NAALADL2: variants seen among roughly 807,000 people sequenced by gnomAD.
The protein encoded by NAALADL2 is inactive N-acetylated-alpha-linked acidic dipeptidase-like protein 2.
Under a neutral mutation model 87.2 loss-of-function variants are expected in NAALADL2, and 76 were observed. The observed-to-expected ratio is 0.87, with a 90% CI of 0.72 to 1.05. NAALADL2 has a LOEUF of 1.05. NAALADL2 is among the 50% of genes least tolerant of loss of function. NAALADL2 has a pLI of 0.00. For synonymous variants in NAALADL2, 354 were observed against 331.0 expected, an observed-to-expected ratio of 1.07 and a Z score of -0.75; for missense variants, 1,089 against 945.8, an observed-to-expected ratio of 1.15 and a Z score of -1.99.
chr3:175,157,661 A>G (rs368017106), intron 2 of NAALADL2, among the ~76,000 whole-genome samples: 3 of 152,212 alleles, frequency 2.0e-5, no homozygotes, highest in East Asian at 3.9e-4. Flanking sequence ...CTATATAGCC[A>G]CAAAACCTAG....
intron 5 of NAALADL2, among the ~76,000 whole-genome samples, chr3:175,355,002 T>A (rs1365902108): frequency 6.8e-6 from 1 of 147,416 alleles, no homozygotes; most frequent in East Asian, 2.0e-4. Flanking sequence ...TTTATTTATA[T>A]ATATAATTGC....
intron 11 of NAALADL2, among the ~76,000 whole-genome samples, chr3:175,681,905 T>A (rs969199734): frequency 9.9e-5 from 15 of 152,178 alleles, no homozygotes; most frequent in African/African-American, 3.4e-4. Context: ...AGTATCAATT[T>A]CTACCTGTAA....
intron 2 of NAALADL2, among the ~76,000 whole-genome samples, chr3:174,648,855 AT>A (rs950954028): frequency 6.6e-6 from 1 of 152,128 alleles, no homozygotes; most frequent in African/African-American, 2.4e-5. Flanking sequence ...CATAACACAT[AT>A]GTGTCAATAT....
intron 1 of NAALADL2, among the ~76,000 whole-genome samples, chr3:174,490,100 T>C (rs1437132189): frequency 6.6e-6 from 1 of 152,046 alleles, no homozygotes; most frequent in Non-Finnish European, 1.5e-5. Context: ...GTCTTGTACA[T>C]GAACATTCAT....
intron 9 of NAALADL2, among the ~76,000 whole-genome samples, chr3:175,542,967 T>G (rs1411993557): frequency 6.6e-6 from 1 of 152,200 alleles, no homozygotes; most frequent in Non-Finnish European, 1.5e-5. Flanking sequence ...TTACTCTCAT[T>G]AGGATTCATT....
intron 5 of NAALADL2, among the ~76,000 whole-genome samples, chr3:175,442,142 A>G (rs1719883242): frequency 6.6e-6 from 1 of 151,846 alleles, no homozygotes; most frequent in Non-Finnish European, 1.5e-5. Flanking sequence ...ATGGGGTTTC[A>G]CCATGTTGGC....
intron 12 of NAALADL2, among the ~76,000 whole-genome samples, chr3:175,754,290 G>A (rs562669035): frequency 2.0e-5 from 3 of 152,252 alleles, no homozygotes; most frequent in South Asian, 2.1e-4. Context: ...AAGTGGTAGC[G>A]CAGGGATTTA....
At chr3:175,726,724 T>A (rs1250676658) in intron 11 of NAALADL2, among the ~76,000 whole-genome samples, 1 of 152,158 alleles carries the variant, frequency 6.6e-6, no homozygotes, top group Non-Finnish European at 1.5e-5. Flanking sequence ...AGATTTCATC[T>A]CAAGTTTGTT....
intron 6 of NAALADL2, among the ~76,000 whole-genome samples, chr3:175,458,093 T>G (rs532730817): frequency 6.6e-6 from 1 of 152,184 alleles, no homozygotes; most frequent in East Asian, 1.9e-4. Context: ...TTCTTTAGTT[T>G]TTGGCACCAT....
chr3:174,820,310 T>A (rs1219489770), intron 3 of NAALADL2, among the ~76,000 whole-genome samples: 2 of 152,196 alleles, frequency 1.3e-5, no homozygotes, highest in African/African-American at 2.4e-5. Context: ...TGTAAAATTA[T>A]TAAGTTGAAG....
At chr3:175,303,791 T>A (rs920492402) in intron 4 of NAALADL2, among the ~76,000 whole-genome samples, 11 of 152,146 alleles carry the variant, frequency 7.2e-5, no homozygotes, top group Non-Finnish European at 1.2e-4. Context: ...GTGAAAAAAA[T>A]TTACAAGTCT....
intron 2 of NAALADL2, among the ~76,000 whole-genome samples, chr3:174,695,446 C>T (rs1728936701): frequency 6.6e-6 from 1 of 151,904 alleles, no homozygotes; most frequent in South Asian, 2.1e-4. Context: ...AACTCTTCTG[C>T]TTTCTGTTGT....
At chr3:174,809,854 G>A (rs1371090398) in intron 3 of NAALADL2, among the ~76,000 whole-genome samples, 1 of 152,150 alleles carries the variant, frequency 6.6e-6, no homozygotes. Flanking sequence ...TTATGGGGAT[G>A]AATCCTGCAC....
intron 3 of NAALADL2, among the ~76,000 whole-genome samples, chr3:174,780,286 CTGT>C (rs1454971010): frequency 6.6e-6 from 1 of 152,086 alleles, no homozygotes; most frequent in Non-Finnish European, 1.5e-5. Context: ...CTCTGTTTGT[CTGT>C]TATTGGTGTA....
intron 1 of NAALADL2, among the ~76,000 whole-genome samples, chr3:174,961,545 A>G (rs1312967531): frequency 1.3e-5 from 2 of 152,072 alleles, no homozygotes; most frequent in African/African-American, 4.8e-5. Context: ...ATCATTGGAT[A>G]TTTGAACTAG....
chr3:174,602,180 G>A (rs1298009847), intron 2 of NAALADL2, among the ~76,000 whole-genome samples: 2 of 152,074 alleles, frequency 1.3e-5, no homozygotes, highest in African/African-American at 2.4e-5. Context: ...TATTTTGAAA[G>A]GGGTTGCATT....
intron 4 of NAALADL2, among the ~76,000 whole-genome samples, chr3:175,307,342 A>G (rs1354217261): frequency 2.0e-5 from 3 of 152,254 alleles, no homozygotes; most frequent in African/African-American, 7.2e-5. Context: ...ATAGTGAAAT[A>G]TAATAGTATT....
chr3:174,687,528 G>T (rs1483047223), intron 2 of NAALADL2, among the ~76,000 whole-genome samples: 1 of 152,064 alleles, frequency 6.6e-6, no homozygotes, highest in Non-Finnish European at 1.5e-5. Flanking sequence ...AATAGAATTA[G>T]CTAGCCAAAC....
intron 7 of NAALADL2, among the ~76,000 whole-genome samples, chr3:175,466,422 C>T (rs1724031769): frequency 6.6e-6 from 1 of 151,960 alleles, no homozygotes; most frequent in South Asian, 2.1e-4. Flanking sequence ...ATGTAAAAGG[C>T]AACTTTTACA....
Sources: gnomAD v4.1 joint callset for allele counts (sites outside exome capture counted in the v4.1 genomes callset) on GRCh38, gnomAD v4.1.1 for gene constraint, MANE v1.5 for transcripts, NCBI Gene and HGNC (gene_info 2026-07-23, HGNC 2026-07-21) for gene names.